ROBO1: variants seen among roughly 807,000 people sequenced by gnomAD.
The protein encoded by ROBO1 is roundabout guidance receptor 1.
ROBO1 carries 149 observed loss-of-function variants against 195.9 expected under a neutral mutation model. The ratio of observed to expected loss-of-function variants is 0.76; its 90% CI spans 0.67 to 0.87. ROBO1 has a LOEUF of 0.87. Ranked by LOEUF, ROBO1 falls within the 40% of genes least tolerant of loss-of-function variation. The pLI is 0.00. For missense variants in ROBO1, 1,933 were observed against 2,068.3 expected, an observed-to-expected ratio of 0.93 and a Z score of 1.27; for synonymous variants, 816 against 733.2, an observed-to-expected ratio of 1.11 and a Z score of -1.82.
chr3:79,575,227 A>AAT (rs1268915946), intron 2 of ROBO1, among the ~76,000 whole-genome samples: 1 of 119,132 alleles, frequency 8.4e-6, no homozygotes, highest in African/African-American at 3.8e-5. Flanking sequence ...ATATATAACA[A>AAT]ATATATATAA....
intron 2 of ROBO1, among the ~76,000 whole-genome samples, chr3:79,485,716 T>G (rs1010436137): frequency 6.6e-6 from 1 of 152,202 alleles, no homozygotes; most frequent in Non-Finnish European, 1.5e-5. Context: ...TGTGTTCTAC[T>G]CAGGGGCCAA....
intron 2 of ROBO1, among the ~76,000 whole-genome samples, chr3:79,299,467 G>C (rs550465449): frequency 1.3e-5 from 2 of 151,974 alleles, no homozygotes; most frequent in African/African-American, 4.8e-5. Context: ...TGTCATTTTC[G>C]TTTATTATAT....
At chr3:78,947,675 G>C (rs895292714) in intron 3 of ROBO1, among the ~76,000 whole-genome samples, 13 of 152,118 alleles carry the variant, frequency 8.5e-5, no homozygotes, top group Non-Finnish European at 7.3e-5. Context: ...ACCAAGAACA[G>C]AGCAGAACTG....
In ROBO1 at chr3:78,853,998, G is replaced by A. The variant is rs760470933; in HGVS notation, c.499+84603C>T. ...CCCACAACACATGGGAATTATGGGA[G>A]CTACAATTCAAGATGAGATTTGGGT... On this transcript the variant is annotated intron_variant, in intron 4 of 30. Transcript: ENST00000464233. Among the ~76,000 whole-genome samples, 22 of 152,026 alleles carry A rather than the reference G, an allele frequency of 1.4e-4. 1 individual carries two copies. Among genetic ancestry groups the A allele is most frequent in the Non-Finnish European group, 1.0e-4 (7 of 67,998 alleles).
At chr3:79,043,251 C>A (rs2078521677) in intron 3 of ROBO1, among the ~76,000 whole-genome samples, 1 of 152,012 alleles carries the variant, frequency 6.6e-6, no homozygotes, top group South Asian at 2.1e-4. Flanking sequence ...AATAAAAGGA[C>A]CCTAATAAGT....
At chr3:79,266,769 A>C (rs140751579) in intron 2 of ROBO1, among the ~76,000 whole-genome samples, 75 of 151,746 alleles carry the variant, frequency 4.9e-4, no homozygotes, top group African/African-American at 1.7e-3. Context: ...CATCTGTTTG[A>C]AAATGTGCCC....
At chr3:79,563,270 T>C (rs995128417) in intron 2 of ROBO1, among the ~76,000 whole-genome samples, 6 of 152,092 alleles carry the variant, frequency 3.9e-5, no homozygotes, top group African/African-American at 1.2e-4. Context: ...TGAAGTTTCA[T>C]GAAATGATGC....
chr3:78,733,050 C>T (rs1309224571), intron 5 of ROBO1, among the ~76,000 whole-genome samples: 2 of 151,934 alleles, frequency 1.3e-5, no homozygotes, highest in African/African-American at 4.8e-5. Context: ...CAGATGTTAC[C>T]AAGAGCTGTT....
rs149329588 is a variant in ROBO1 at position 79,725,124 on chromosome 3, T to C, written c.-51+42628A>G. On this transcript the variant is annotated intron_variant, in intron 1 of 30. Transcript: ENST00000464233. ...AGGCATTGGTGTTTGGCCCAGACTT[T>C]GCCAATGATACCTGGATGCCAGTCT... is the stretch of plus-strand genomic sequence containing the variant. Among the ~76,000 whole-genome samples the C allele has an allele frequency of 2.7e-3, 414 of 152,236 alleles. 1 individual carries two copies. The highest frequency in any genetic ancestry group is 9.5e-3 in the African/African-American group (395 of 41,552).
chr3:79,186,491 G>A (rs1486085937), intron 2 of ROBO1, among the ~76,000 whole-genome samples: 1 of 151,940 alleles, frequency 6.6e-6, no homozygotes, highest in African/African-American at 2.4e-5. Flanking sequence ...CTATTGCATA[G>A]TTGTGCCATT....
At chr3:79,118,235 G>T (rs9309821) in intron 3 of ROBO1, among the ~76,000 whole-genome samples, 62,231 of 141,742 alleles carry the variant, frequency 0.44, 15,479 homozygotes, top group East Asian at 0.6. Context: ...AATTGTGTGG[G>T]TTTTTTTTTT....
At chr3:79,487,886 G>A (rs1460834425) in intron 2 of ROBO1, among the ~76,000 whole-genome samples, 2 of 151,994 alleles carry the variant, frequency 1.3e-5, no homozygotes, top group Non-Finnish European at 2.9e-5. Context: ...GATAGAAATA[G>A]AAAATGGGAA....
chr3:79,363,779 C>T (rs2035859511), intron 2 of ROBO1, among the ~76,000 whole-genome samples: 1 of 152,120 alleles, frequency 6.6e-6, no homozygotes, highest in African/African-American at 2.4e-5. Context: ...CTTTCATATT[C>T]CTTTCTTCAT....
intron 3 of ROBO1, among the ~76,000 whole-genome samples, chr3:79,107,931 A>T (rs1345579841): frequency 6.6e-6 from 1 of 151,758 alleles, no homozygotes; most frequent in East Asian, 1.9e-4. Context: ...AGTAGAATAC[A>T]GATGCTCAAT....
chr3:79,464,381 C>A (rs1220869752), intron 2 of ROBO1, among the ~76,000 whole-genome samples: 1 of 152,216 alleles, frequency 6.6e-6, no homozygotes, highest in Non-Finnish European at 1.5e-5. Flanking sequence ...TAAATTTCTA[C>A]CAGCACTGCA....
chr3:78,611,110 A>G, intron 28 of ROBO1, among the ~76,000 whole-genome samples: 1 of 152,178 alleles, frequency 6.6e-6, no homozygotes, highest in East Asian at 1.9e-4. Flanking sequence ...TAACAGTATA[A>G]TGCATGTAAA....
chr3:79,593,721 C>T (rs555778136), intron 1 of ROBO1, among the ~76,000 whole-genome samples: 1 of 152,048 alleles, frequency 6.6e-6, no homozygotes, highest in East Asian at 1.9e-4. Context: ...AGTAATCCTC[C>T]CAACTCAGCC....
chr3:78,936,322 G>A (rs1285321064), intron 4 of ROBO1, among the ~76,000 whole-genome samples: 1 of 151,994 alleles, frequency 6.6e-6, no homozygotes, highest in East Asian at 1.9e-4. Flanking sequence ...TGTTTTGAAA[G>A]CATTACCAAC....
At chr3:78,973,464 A>G (rs891519415) in intron 3 of ROBO1, among the ~76,000 whole-genome samples, 4 of 146,566 alleles carry the variant, frequency 2.7e-5, no homozygotes, top group African/African-American at 9.9e-5. Flanking sequence ...CTATATATAT[A>G]AGAAGCTATA....
Sources: gnomAD v4.1 joint callset for allele counts (sites outside exome capture counted in the v4.1 genomes callset) on GRCh38, gnomAD v4.1.1 for gene constraint, MANE v1.5 for transcripts, NCBI Gene and HGNC (gene_info 2026-07-23, HGNC 2026-07-21) for gene names.